Variants in SLC26A4 observed in about 807,000 individuals in gnomAD.
The protein encoded by SLC26A4 is solute carrier family 26 member 4.
Under a neutral mutation model 90.4 loss-of-function variants are expected in SLC26A4, and 93 were observed. That is an observed-to-expected ratio of 1.03 (90% confidence interval 0.87 to 1.22). SLC26A4 has a LOEUF of 1.22. SLC26A4 is among the 50% of genes most tolerant of loss of function. The pLI is 0.00. For missense variants in SLC26A4, 1,127 were observed against 946.2 expected (o/e 1.19, Z -2.51); for synonymous variants, 393 against 354.6 (o/e 1.11, Z -1.22).
chr7:107,666,721 A>G (rs1790726407), intron 3 of SLC26A4, among the ~76,000 whole-genome samples: 1 of 152,128 alleles, frequency 6.6e-6, no homozygotes, highest in African/African-American at 2.4e-5. Flanking sequence ...TGTAGTGTGG[A>G]TGAGTGCAGT....
At chr7:107,686,023 TTTTTC>T (rs1429022949) in intron 8 of SLC26A4, among the ~76,000 whole-genome samples, 1 of 148,976 alleles carries the variant, frequency 6.7e-6, no homozygotes, top group Non-Finnish European at 1.5e-5. Flanking sequence ...GTTACTCTCT[TTTTTC>T]TTTTCTTTTC....
At position 107,674,292 on chromosome 7, in the gene SLC26A4, G is replaced by C. The variant is rs981623968; in HGVS notation, c.544G>C (p.Asp182His). 3 of 1,613,946 alleles carry C rather than the reference G, an allele frequency of 1.9e-6. No homozygotes were observed. The highest frequency in any genetic ancestry group is 2.5e-6 in the Non-Finnish European group (3 of 1,179,824). Residue 182 changes from aspartate to histidine, a missense_variant, in exon 5 of 21, where the codon GAT (aspartate) becomes CAT (histidine). Coordinates refer to ENST00000644269, the MANE Select transcript of SLC26A4 (RefSeq NM_000441.2). ...NTTMIDTAAR[D>H]TARVLIASAL... ...TACTATGATAGACACTGCAGCTAGA[G>C]ATACAGCTAGAGTCCTGATTGCCAG... is the stretch of plus-strand genomic sequence containing the variant.
rs1367469056 is a variant in SLC26A4, at chr7:107,717,669, T to C, written c.*2223T>C. On this transcript the variant is annotated 3_prime_UTR_variant, in exon 21 of 21. Transcript: ENST00000644269. ...TGCCTTTTGTTATATTTTTAACCTATAGGATAAGATTCCAGTATTGTATAT... is the reference window on the plus strand; with the variant it reads ...TGCCTTTTGTTATATTTTTAACCTACAGGATAAGATTCCAGTATTGTATAT... The C allele has an allele frequency of 6.6e-6, 1 of 152,664 alleles. No individual in the cohort carries two copies. Among genetic ancestry groups the C allele is most frequent in the African/African-American group, 2.4e-5 (1 of 41,472 alleles). 9.5% of individuals were successfully genotyped at this position (152,664 alleles called of 1,614,324 possible). A position where few individuals can be genotyped will look rare whatever the true frequency, so the allele number is the denominator to read the frequency against.
intron 6 of SLC26A4, among the ~76,000 whole-genome samples, chr7:107,679,717 A>G (rs1791125495): frequency 6.6e-6 from 1 of 150,428 alleles, no homozygotes; most frequent in Non-Finnish European, 1.5e-5. Context: ...TACTATTAAC[A>G]TACTTTATGG....
At position 107,694,488 on chromosome 7, in the gene SLC26A4, C is replaced by T. The variant is rs1166993126; in HGVS notation, c.1341+8C>T. The T allele has an allele frequency of 1.9e-6, 3 of 1,602,500 alleles. No homozygotes were observed. The highest frequency in any genetic ancestry group is 1.7e-5 in the Admixed American group (1 of 59,954). Reference sequence around the variant, plus strand: ...CTGGAACCCTTGCAGAAGGTATAACCCTGCTTCTCTGCATACCGATTGCAT... The same window carrying T: ...CTGGAACCCTTGCAGAAGGTATAACTCTGCTTCTCTGCATACCGATTGCAT... On this transcript the variant is annotated splice_region_variant and intron_variant, in intron 11 of 20. Transcript: ENST00000644269.
intron 6 of SLC26A4, among the ~76,000 whole-genome samples, chr7:107,680,308 C>CTTATTATATAATG (rs1200398959): frequency 1.1e-5 from 1 of 92,868 alleles, no homozygotes; most frequent in Non-Finnish European, 1.8e-5. Flanking sequence ...ATAATATAAT[C>CTTATTATATAATG]TTATATTATT....
intron 17 of SLC26A4, 75 bp from the exon 18 acceptor site, chr7:107,704,256 C>T: frequency 1.4e-6 from 1 of 719,138 alleles, no homozygotes; most frequent in Admixed American, 2.0e-5. Context: ...TTCTCCTGAG[C>T]AAGTAACTGA....
chr7:107,698,114 A>C lies in SLC26A4; in HGVS notation c.1614+3A>C. 1 of 1,590,098 alleles carries C rather than the reference A, an allele frequency of 6.3e-7. No individual in the cohort carries two copies. Among genetic ancestry groups the C allele is most frequent in the Non-Finnish European group, 8.6e-7 (1 of 1,158,228 alleles). ...AAAGTACCAAGAATTACAAAAACGTAAGTACCTTTGTGAGACATTTGCTGG... is the reference window on the plus strand; with the variant it reads ...AAAGTACCAAGAATTACAAAAACGTCAGTACCTTTGTGAGACATTTGCTGG... On this transcript the variant is annotated splice_donor_region_variant and intron_variant, in intron 14 of 20. Coordinates refer to ENST00000644269, the MANE Select transcript of SLC26A4 (RefSeq NM_000441.2).
chr7:107,683,255 T>A lies in SLC26A4; in HGVS notation c.819T>A (p.Thr273=). The A allele has an allele frequency of 6.2e-7, 1 of 1,613,154 alleles. No individual in the cohort carries two copies. The highest frequency in any genetic ancestry group is 1.3e-5 in the African/African-American group (1 of 75,026). The change falls in exon 7 of 21, where the codon ACT becomes ACA. Residue 273 remains threonine (T), a synonymous_variant. Transcript: ENST00000644269. ...GTGATACCAATCTTGCTGATTTCAC[T>A]GCTGGATTGCTCACCATTGTCGTCT... The part of the protein sequence containing the change: ...NIGDTNLADF[T]AGLLTIVVCM...
chr7:107,670,165 A>C (rs1790824700), intron 3 of SLC26A4, among the ~76,000 whole-genome samples: 1 of 148,762 alleles, frequency 6.7e-6, no homozygotes, highest in Non-Finnish European at 1.5e-5. Flanking sequence ...GCTGGAATGC[A>C]GTGGCGCAAT....
intron 10 of SLC26A4, 28 bp downstream of exon 10, chr7:107,690,265 T>A (rs902561896): frequency 7.7e-7 from 1 of 1,296,158 alleles, no homozygotes; most frequent in Non-Finnish European, 1.1e-6. Flanking sequence ...ATGATATCCA[T>A]CTCAGAGAAC....
chr7:107,700,418 G>A (rs1028550796), intron 15 of SLC26A4, among the ~76,000 whole-genome samples: 37 of 152,184 alleles, frequency 2.4e-4, no homozygotes, highest in African/African-American at 8.9e-4. Flanking sequence ...CATTAGAGAT[G>A]TTTCTAGGCA....
chr7:107,684,070 C>A (rs561513782), intron 8 of SLC26A4, among the ~76,000 whole-genome samples: 2 of 152,210 alleles, frequency 1.3e-5, no homozygotes, highest in South Asian at 4.2e-4. Context: ...TCTCTGTCAC[C>A]TTCCAGTTTT....
intron 2 of SLC26A4, among the ~76,000 whole-genome samples, chr7:107,662,484 C>T (rs747521675): frequency 2.0e-5 from 3 of 151,830 alleles, no homozygotes; most frequent in Non-Finnish European, 4.4e-5. Flanking sequence ...CATCACTCGG[C>T]CTCAACTGTG....
In SLC26A4 at chr7:107,715,475, A is replaced by G; in HGVS notation, c.*29A>G. 2 of 1,584,184 alleles carry G rather than the reference A, an allele frequency of 1.3e-6. No individual in the cohort carries two copies. Among genetic ancestry groups the G allele is most frequent in the Non-Finnish European group, 1.7e-6 (2 of 1,152,730 alleles). ...TGGGTTCGGGAGGTCTCTATGAGCA[A>G]GGAATACAAGACAAAACTTCCTCAA... On this transcript the variant is annotated 3_prime_UTR_variant, in exon 21 of 21. Coordinates refer to ENST00000644269, the MANE Select transcript of SLC26A4 (RefSeq NM_000441.2).
intron 18 of SLC26A4, among the ~76,000 whole-genome samples, chr7:107,707,023 G>A (rs961215601): frequency 1.3e-5 from 2 of 152,144 alleles, no homozygotes; most frequent in Admixed American, 1.3e-4. Context: ...CAAAAAATTA[G>A]CTGGGCATGG....
intron 13 of SLC26A4, among the ~76,000 whole-genome samples, chr7:107,697,300 T>C (rs1170333658): frequency 6.6e-6 from 1 of 152,338 alleles, no homozygotes; most frequent in East Asian, 1.9e-4. Context: ...TGGTGGCACA[T>C]TTTAGCTGCT....
chr7:107,677,684 C>T (rs540679308), intron 6 of SLC26A4, among the ~76,000 whole-genome samples: 44 of 151,578 alleles, frequency 2.9e-4, no homozygotes, highest in African/African-American at 8.0e-4. Flanking sequence ...TAGCTCACTG[C>T]GACCTCCATC....
At chr7:107,665,296 A>C (rs1345562551) in intron 3 of SLC26A4, among the ~76,000 whole-genome samples, 1 of 152,220 alleles carries the variant, frequency 6.6e-6, no homozygotes, top group Admixed American at 6.5e-5. Context: ...GGCCAGGTAG[A>C]TGCCCGAAGA....
Sources: allele counts gnomAD v4.1 joint callset (sites outside exome capture counted in the v4.1 genomes callset), GRCh38; gene constraint gnomAD v4.1.1; transcripts MANE v1.5; gene names NCBI Gene and HGNC (gene_info 2026-07-23, HGNC 2026-07-21).